Variants in CEP78 observed in about 807,000 individuals in gnomAD.
The protein encoded by CEP78 is centrosomal protein of 78 kDa.
In CEP78, 76 loss-of-function variants were observed where a neutral mutation model predicts 81.2. That is an observed-to-expected ratio of 0.94 (90% CI 0.78 to 1.13). CEP78 has a LOEUF of 1.13. Ranked by LOEUF, CEP78 falls within the 50% of genes most tolerant of loss-of-function variation. The probability of loss-of-function intolerance (pLI) is 0.00; values close to 1 mark genes in which losing one functional copy is unlikely to be tolerated. For synonymous variants in CEP78, 293 were observed against 301.4 expected (o/e 0.97, Z 0.29); for missense variants, 918 against 846.8 (o/e 1.08, Z -1.04).
rs1826253428 is a variant in CEP78, at chr9:78,241,939, A to G, written c.603+140A>G. The G allele has an allele frequency of 5.8e-6, 3 of 519,918 alleles. No individual in the cohort carries two copies. In the East Asian group the frequency reaches 9.1e-5, roughly 16 times the overall value. 32.2% of individuals were successfully genotyped at this position (519,918 alleles called of 1,614,324 possible). A position where few individuals can be genotyped will look rare whatever the true frequency, so the allele number is the denominator to read the frequency against. ...TAGTTTTGTTTAAAGAATGTGACCA[A>G]TTTTCAGCCTGGGGTTCTACCATTT... On this transcript the variant is annotated intron_variant, in intron 4 of 16. Transcript: ENST00000643273.
chr9:78,267,926 T>G (rs1352904496), intron 16 of CEP78, among the ~76,000 whole-genome samples: 1 of 152,136 alleles, frequency 6.6e-6, no homozygotes, highest in Admixed American at 6.5e-5. Flanking sequence ...CTTGCCTGAT[T>G]GTTATCAAAA....
chr9:78,278,654 G>C lies in CEP78; in HGVS notation c.*7803G>C, dbSNP rs1827850510. 1 of 152,150 alleles carries C rather than the reference G, an allele frequency of 6.6e-6. No individual in the cohort carries two copies. The highest frequency in any genetic ancestry group is 2.4e-5 in the African/African-American group (1 of 41,432). 9.4% of individuals were successfully genotyped at this position (152,150 alleles called of 1,614,324 possible). A position where few individuals can be genotyped will look rare whatever the true frequency, so the allele number is the denominator to read the frequency against. On this transcript the variant is annotated 3_prime_UTR_variant, in exon 17 of 17. Coordinates refer to ENST00000643273, the MANE Select transcript of CEP78 (RefSeq NM_001330691.3). ...CTAGAGTGTTTCAAACATCTGCTCT[G>C]TTTACCCCTGACAAAACTGCTACTC...
rs1328550133 is a variant in CEP78, at chr9:78,273,253, G to A, written c.*2402G>A. On this transcript the variant is annotated 3_prime_UTR_variant, in exon 17 of 17. Transcript: ENST00000643273. ...GTGTGCTATTTGCAAAATCTAAAAC[G>A]CTGTCATAGATTATAAAGAGATGAA... 1 of 152,064 alleles carries A rather than the reference G, an allele frequency of 6.6e-6. No individual in the cohort carries two copies. The highest frequency in any genetic ancestry group is 1.5e-5 in the Non-Finnish European group (1 of 68,014). 9.4% of individuals were successfully genotyped at this position (152,064 alleles called of 1,614,324 possible).
rs752437934 is a variant in CEP78, at chr9:78,241,676, G to A, written c.500-20G>A. 1 of 1,201,180 alleles carries A rather than the reference G, an allele frequency of 8.3e-7. No homozygotes were observed. The highest frequency in any genetic ancestry group is 1.2e-6 in the Non-Finnish European group (1 of 820,098). The allele number at this position is 1,201,180 out of a possible 1,614,324, so 74.4% of individuals were successfully genotyped here. On this transcript the variant is annotated intron_variant, in intron 3 of 16. Coordinates refer to ENST00000643273, the MANE Select transcript of CEP78 (RefSeq NM_001330691.3). ...ATATGCTCTTCATCTTATTGTATGTGGTTTTTTTTTCCATTTTAGTTATTT... is the reference window on the plus strand; with the variant it reads ...ATATGCTCTTCATCTTATTGTATGTAGTTTTTTTTTCCATTTTAGTTATTT...
rs982176162 is a variant in CEP78, at chr9:78,258,958, A to G, written c.1381-3949A>G. On this transcript the variant is annotated intron_variant, in intron 11 of 16. Coordinates refer to ENST00000643273, the MANE Select transcript of CEP78 (RefSeq NM_001330691.3). Reference sequence around the variant, plus strand: ...TGGAAAGCGTTTAGCATTGTCTATCAATGGAAAGTATATAAATACGTTGGG... The same window carrying G: ...TGGAAAGCGTTTAGCATTGTCTATCGATGGAAAGTATATAAATACGTTGGG... 2.5e-4 allele frequency among the ~76,000 whole-genome samples: 38 copies of G among 152,208 alleles called. 1 individual carries two copies. The highest frequency in any genetic ancestry group is 7.3e-5 in the Non-Finnish European group (5 of 68,032).
intron 1 of CEP78, 138 bp from the exon 2 acceptor site, chr9:78,239,885 G>A (rs1826138017): frequency 1.5e-6 from 1 of 649,806 alleles, no homozygotes; most frequent in African/African-American, 1.9e-5. Context: ...TATCCCATGT[G>A]GCTTGAGTTT....
chr9:78,256,376 A>G (rs1286954847), intron 11 of CEP78, among the ~76,000 whole-genome samples: 3 of 152,218 alleles, frequency 2.0e-5, no homozygotes, highest in South Asian at 2.1e-4. Flanking sequence ...TTTGAAAAAC[A>G]GTAAAGTAAC....
chr9:78,246,075 G>A (rs1358719605), intron 5 of CEP78, among the ~76,000 whole-genome samples: 2 of 152,078 alleles, frequency 1.3e-5, no homozygotes, highest in African/African-American at 2.4e-5. Flanking sequence ...GATGTTTTAT[G>A]TAGAGTTATT....
intron 1 of CEP78, among the ~76,000 whole-genome samples, chr9:78,239,623 CTT>C (rs145026297): frequency 0.051 from 7,693 of 152,286 alleles, 301 homozygotes; most frequent in Non-Finnish European, 0.081. Flanking sequence ...CTCCCTGCCT[CTT>C]TGTAAATTTC....
rs1827808839 is a variant in CEP78 at position 78,276,572 on chromosome 9, A to G, written c.*5721A>G. On this transcript the variant is annotated 3_prime_UTR_variant, in exon 17 of 17. Transcript: ENST00000643273. ...ATGCTATTACAGCTAATAAAGCTGAATAAGGAGGCTGTGCACAACACCAAC... is the reference window on the plus strand; with the variant it reads ...ATGCTATTACAGCTAATAAAGCTGAGTAAGGAGGCTGTGCACAACACCAAC... 2.0e-5 allele frequency: 3 copies of G among 152,066 alleles called. No homozygotes were observed. The highest frequency in any genetic ancestry group is 4.4e-5 in the Non-Finnish European group (3 of 67,986). 9.4% of individuals were successfully genotyped at this position (152,066 alleles called of 1,614,324 possible).
At chr9:78,261,572 T>TGCCTCCTG (rs533391483) in intron 11 of CEP78, among the ~76,000 whole-genome samples, 384 of 152,322 alleles carry the variant, frequency 2.5e-3, no homozygotes, top group African/African-American at 9.0e-3. Context: ...AGGAGGGAAC[T>TGCCTCCTG]TTCATAAATA....
chr9:78,253,247 C>A lies in CEP78; in HGVS notation c.1221C>A (p.Ile407=). 3.6e-6 allele frequency: 5 copies of A among 1,379,936 alleles called. No individual in the cohort carries two copies. Among genetic ancestry groups the A allele is most frequent in the South Asian group, 2.4e-5 (2 of 81,764 alleles). The allele number at this position is 1,379,936 out of a possible 1,614,324, so 85.5% of individuals were successfully genotyped here. ...RAKRHRGFPL[I]KTRDICNQLQ... The stretch of plus-strand genomic sequence containing the variant: ...ATCTTTTTAGGGGTTTCCCATTAAT[C>A]AAAACACGTGATATATGTAATCAGT... The change falls in exon 10 of 17, where the codon ATC becomes ATA. Residue 407 remains isoleucine (I), a synonymous_variant. Transcript: ENST00000643273.
intron 6 of CEP78, among the ~76,000 whole-genome samples, chr9:78,247,023 A>C (rs369562785): frequency 6.6e-6 from 1 of 152,228 alleles, no homozygotes; most frequent in Middle Eastern, 3.2e-3. Context: ...CACCAAGTGC[A>C]TTATTTTCTT....
intron 1 of CEP78, 26 bp from the exon 2 acceptor site, chr9:78,239,997 C>T: frequency 6.5e-7 from 1 of 1,531,478 alleles, no homozygotes; most frequent in Non-Finnish European, 8.7e-7. Flanking sequence ...ATTGAAGTCA[C>T]TAACTTTCTT....
At chr9:78,241,651 A>T (rs374259731) in intron 3 of CEP78, 45 bp from the exon 4 acceptor site, 1 of 861,762 alleles carries the variant, frequency 1.2e-6, no homozygotes, top group African/African-American at 1.7e-5. Context: ...ACTAGGTTGT[A>T]TATGCTCTTC....
At chr9:78,266,749 ACCTG>A in intron 16 of CEP78, 46 bp downstream of exon 16, 5 of 1,606,256 alleles carry the variant, frequency 3.1e-6, no homozygotes, top group Non-Finnish European at 4.3e-6. Flanking sequence ...CCTGGAAAGG[ACCTG>A]CATTCCTGAT....
chr9:78,242,453 T>C (rs1410984997), intron 4 of CEP78, among the ~76,000 whole-genome samples: 1 of 152,214 alleles, frequency 6.6e-6, no homozygotes, highest in Non-Finnish European at 1.5e-5. Flanking sequence ...ATTTAATAAC[T>C]TGTGACCATG....
At chr9:78,248,203 G>A (rs1826586957) in intron 6 of CEP78, 88 bp from the exon 7 acceptor site, 1 of 715,834 alleles carries the variant, frequency 1.4e-6, no homozygotes, top group South Asian at 1.6e-5. Context: ...ATGGGAAAAA[G>A]CAATAATTGG....
At chr9:78,248,251 G>A (rs769052146) in intron 6 of CEP78, 40 bp from the exon 7 acceptor site, 2 of 1,106,344 alleles carry the variant, frequency 1.8e-6, no homozygotes, top group South Asian at 2.7e-5. Flanking sequence ...CCACTCATTG[G>A]GAAATAATTA....
Sources: allele counts gnomAD v4.1 joint callset (sites outside exome capture counted in the v4.1 genomes callset), GRCh38; gene constraint gnomAD v4.1.1; transcripts MANE v1.5; gene names NCBI Gene and HGNC (gene_info 2026-07-23, HGNC 2026-07-21).